The following CSMD1 variants were observed in gnomAD, a reference collection of about 807,000 sequenced individuals.
The protein encoded by CSMD1 is CUB and sushi domain-containing protein 1.
Under a neutral mutation model 417.5 loss-of-function variants are expected in CSMD1, and 213 were observed. The ratio of observed to expected loss-of-function variants is 0.51; its 90% confidence interval spans 0.46 to 0.57. The LOEUF (loss-of-function observed/expected upper bound fraction) is 0.57, where lower values mean the gene tolerates loss of function less well. Among genes scored for constraint, CSMD1 ranks in the 20% least tolerant of loss-of-function variants. The pLI, the probability that CSMD1 is intolerant of heterozygous loss-of-function variation, is 0.00. For synonymous variants in CSMD1, 2,862 were observed against 1,736.8 expected (o/e 1.65, Z -16.11); for missense variants, 6,923 against 4,529.7 (o/e 1.53, Z -15.17).
At chr8:4,615,303 C>G (rs372016664) in intron 2 of CSMD1, among the ~76,000 whole-genome samples, 1 of 152,150 alleles carries the variant, frequency 6.6e-6, no homozygotes, top group Non-Finnish European at 1.5e-5. Context: ...ATTGGGTTTA[C>G]GCAGTATCTT....
intron 49 of CSMD1, among the ~76,000 whole-genome samples, chr8:3,075,928 G>T (rs1001570949): frequency 1.3e-5 from 2 of 151,358 alleles, no homozygotes; most frequent in African/African-American, 4.9e-5. Flanking sequence ...GCGGGCGCCT[G>T]TAGTCCCAGC....
At position 2,998,071 on chromosome 8, in the gene CSMD1, C is replaced by T. The variant is rs371234513; in HGVS notation, c.8317G>A (p.Val2773Met). Residue 2773 changes from valine (V) to methionine (M), a missense_variant, in exon 54 of 70, where the codon GTG becomes ATG. Physicochemically the swap from Val to Met is conservative, Grantham distance 21 (BLOSUM62 1). Coordinates refer to ENST00000635120, the MANE Select transcript of CSMD1 (RefSeq NM_033225.6). ...TCNTGYLLQG[V>M]SRAQCRSNGQ... Reference sequence around the variant, plus strand: ...TTGCTCCGACACTGGGCTCGAGACACGCCCTGCAGCAAATAGCCCGTGTTG... The same window carrying T: ...TTGCTCCGACACTGGGCTCGAGACATGCCCTGCAGCAAATAGCCCGTGTTG... 1.4e-5 allele frequency: 23 copies of T among 1,613,874 alleles called. No individual in the cohort carries two copies. The highest frequency in any genetic ancestry group is 2.2e-5 in the East Asian group (1 of 44,894).
chr8:4,480,340 G>C (rs560450192), intron 2 of CSMD1, among the ~76,000 whole-genome samples: 1 of 152,110 alleles, frequency 6.6e-6, no homozygotes, highest in Non-Finnish European at 1.5e-5. Flanking sequence ...TGAGAAACTG[G>C]TTCACCTGTT....
chr8:4,288,632 G>A (rs1049847750), intron 3 of CSMD1, among the ~76,000 whole-genome samples: 4 of 152,162 alleles, frequency 2.6e-5, no homozygotes, highest in African/African-American at 7.2e-5. Flanking sequence ...GAAGGATGTT[G>A]CCACCAACTC....
intron 3 of CSMD1, among the ~76,000 whole-genome samples, chr8:4,348,477 T>G (rs112079905): frequency 7.9e-5 from 12 of 152,154 alleles, no homozygotes; most frequent in Non-Finnish European, 1.6e-4. Context: ...ATCTTCATAT[T>G]TCTTTCCACA....
intron 1 of CSMD1, among the ~76,000 whole-genome samples, chr8:4,955,441 G>T (rs891686882): frequency 6.8e-6 from 1 of 147,936 alleles, no homozygotes; most frequent in African/African-American, 2.6e-5. Flanking sequence ...TACTTCGACC[G>T]CAACTCTCAC....
intron 5 of CSMD1, among the ~76,000 whole-genome samples, chr8:3,772,022 G>A (rs949250189): frequency 4.0e-5 from 6 of 151,886 alleles, no homozygotes; most frequent in East Asian, 3.9e-4. Context: ...CTTTGAAATG[G>A]ATCTAAAGAG....
At chr8:4,236,775 G>T (rs1369020438) in intron 3 of CSMD1, among the ~76,000 whole-genome samples, 1 of 152,156 alleles carries the variant, frequency 6.6e-6, no homozygotes, top group Non-Finnish European at 1.5e-5. Context: ...CATTTTACAA[G>T]GTGGGCAATT....
chr8:3,514,075 T>G (rs1797188672), intron 10 of CSMD1, among the ~76,000 whole-genome samples: 3 of 152,176 alleles, frequency 2.0e-5, no homozygotes, highest in Admixed American at 2.0e-4. Flanking sequence ...TTCTTTAGTT[T>G]TTCAAAGCAT....
chr8:3,223,572 T>C (rs1485159329), intron 28 of CSMD1, among the ~76,000 whole-genome samples, 157 bp downstream of exon 28: 1 of 152,238 alleles, frequency 6.6e-6, no homozygotes, highest in Admixed American at 6.5e-5. Context: ...TGTATTTCCA[T>C]TTATGTCATT....
intron 2 of CSMD1, among the ~76,000 whole-genome samples, chr8:4,554,445 T>G (rs1293038450): frequency 2.0e-5 from 3 of 152,170 alleles, no homozygotes; most frequent in Non-Finnish European, 4.4e-5. Flanking sequence ...CCAGACACAG[T>G]CACTTTTTAA....
chr8:3,585,212 G>T (rs11993897), intron 9 of CSMD1, among the ~76,000 whole-genome samples: 2 of 152,242 alleles, frequency 1.3e-5, no homozygotes, highest in African/African-American at 4.8e-5. Context: ...GACGTGTTTG[G>T]TAACTAGTTA....
intron 3 of CSMD1, among the ~76,000 whole-genome samples, chr8:4,116,337 T>A (rs62501350): frequency 2.6e-5 from 4 of 152,168 alleles, no homozygotes; most frequent in African/African-American, 9.6e-5. Context: ...TGTATGATAC[T>A]ATAAGGGTGG....
chr8:3,123,717 C>A (rs963015313), intron 41 of CSMD1, among the ~76,000 whole-genome samples: 1 of 152,184 alleles, frequency 6.6e-6, no homozygotes, highest in African/African-American at 2.4e-5. Context: ...CACGAATTAG[C>A]AGTGCCTTGG....
intron 1 of CSMD1, among the ~76,000 whole-genome samples, chr8:4,952,041 C>A (rs10102858): frequency 0.051 from 7,685 of 151,142 alleles, 200 homozygotes; most frequent in Non-Finnish European, 0.059. Flanking sequence ...TATATATACA[C>A]AAAATATATT....
chr8:3,924,775 T>C (rs1218495226), intron 5 of CSMD1, among the ~76,000 whole-genome samples: 2 of 152,140 alleles, frequency 1.3e-5, no homozygotes, highest in Non-Finnish European at 2.9e-5. Context: ...TTTCTGGTAC[T>C]CTTCAACTCT....
intron 5 of CSMD1, among the ~76,000 whole-genome samples, chr8:3,852,807 C>A (rs930205638): frequency 6.6e-6 from 1 of 152,122 alleles, no homozygotes; most frequent in East Asian, 1.9e-4. Flanking sequence ...CAAGCGCACG[C>A]TTCAACAATT....
intron 12 of CSMD1, among the ~76,000 whole-genome samples, chr8:3,446,678 A>C (rs1815327287): frequency 6.6e-6 from 1 of 152,238 alleles, no homozygotes; most frequent in Non-Finnish European, 1.5e-5. Flanking sequence ...TAAAAAGTAA[A>C]AGGTAAATAG....
intron 1 of CSMD1, among the ~76,000 whole-genome samples, chr8:4,716,997 A>G (rs1270107554): frequency 1.3e-5 from 2 of 152,142 alleles, no homozygotes; most frequent in Non-Finnish European, 2.9e-5. Flanking sequence ...CCTGGTATAG[A>G]AGCCTGGGTT....
Sources: gnomAD v4.1 joint callset for allele counts (sites outside exome capture counted in the v4.1 genomes callset) on GRCh38, gnomAD v4.1.1 for gene constraint, MANE v1.5 for transcripts, NCBI Gene and HGNC (gene_info 2026-07-23, HGNC 2026-07-21) for gene names.